The following GNPDA2 variants were observed in gnomAD, a reference collection of about 807,000 sequenced individuals.
The protein encoded by GNPDA2 is glcN6P deaminase 2.
GNPDA2 carries 24 observed loss-of-function variants against 27.0 expected under a neutral mutation model. That is an observed-to-expected ratio of 0.89 (90% CI 0.64 to 1.25). The LOEUF (loss-of-function observed/expected upper bound fraction) is 1.25. Among genes scored for constraint, GNPDA2 ranks in the 50% most tolerant of loss-of-function variants. The pLI is 0.00. For synonymous variants in GNPDA2, 94 were observed against 108.4 expected (o/e 0.87, Z 0.83); for missense variants, 286 against 335.1 (o/e 0.85, Z 1.14).
intron 4 of GNPDA2, among the ~76,000 whole-genome samples, chr4:44,712,602 T>C (rs1302230628): frequency 6.6e-6 from 1 of 152,174 alleles, no homozygotes; most frequent in East Asian, 1.9e-4. Context: ...CTCTTAGGTA[T>C]ACATATCCCT....
intron 4 of GNPDA2, among the ~76,000 whole-genome samples, chr4:44,711,734 C>G (rs1173731842): frequency 6.7e-6 from 1 of 149,848 alleles, no homozygotes; most frequent in Non-Finnish European, 1.5e-5. Context: ...AAGATAATGT[C>G]TAGGGCAACA....
At chr4:44,725,040 A>G (rs1040742155) in intron 1 of GNPDA2, among the ~76,000 whole-genome samples, 6 of 152,228 alleles carry the variant, frequency 3.9e-5, no homozygotes, top group African/African-American at 1.4e-4. Context: ...ACGGAAAAAA[A>G]ATAAGGTAAG....
intron 5 of GNPDA2, among the ~76,000 whole-genome samples, chr4:44,709,294 G>A (rs1716818216): frequency 6.6e-6 from 1 of 152,058 alleles, no homozygotes; most frequent in Admixed American, 6.6e-5. Flanking sequence ...CATTATTGGT[G>A]TTTATCTATG....
At chr4:44,703,760 A>G (rs951656409) in intron 6 of GNPDA2, 3 of 984,720 alleles carry the variant, frequency 3.0e-6, no homozygotes, top group Non-Finnish European at 3.6e-6. Flanking sequence ...TGTAATTGGT[A>G]CATATACTTG....
At chr4:44,704,537 T>G (rs188001948) in intron 6 of GNPDA2, 4 of 716,916 alleles carry the variant, frequency 5.6e-6, no homozygotes, top group Admixed American at 1.3e-4. Flanking sequence ...ATAGGACTGC[T>G]TCCAAACTAG....
chr4:44,706,209 A>G (rs564273420), intron 6 of GNPDA2: 3 of 152,010 alleles, frequency 2.0e-5, no homozygotes, highest in African/African-American at 7.2e-5. Flanking sequence ...TTATTCACAA[A>G]TCAGAAATTT....
At chr4:44,710,276 T>A (rs1046806550) in intron 5 of GNPDA2, among the ~76,000 whole-genome samples, 1 of 152,130 alleles carries the variant, frequency 6.6e-6, no homozygotes, top group Admixed American at 6.6e-5. Flanking sequence ...TTGTCTATAG[T>A]TTTTTCCTCT....
At chr4:44,709,513 T>G (rs185685013) in intron 5 of GNPDA2, among the ~76,000 whole-genome samples, 1 of 152,290 alleles carries the variant, frequency 6.6e-6, no homozygotes, top group East Asian at 1.9e-4. Flanking sequence ...GTGATTCTTA[T>G]GTACACTAAT....
At chr4:44,707,658 G>T in intron 6 of GNPDA2, 94 bp downstream of exon 6, 2 of 1,077,816 alleles carry the variant, frequency 1.9e-6, no homozygotes, top group Non-Finnish European at 2.7e-6. Flanking sequence ...TTTTCAATAG[G>T]TCACAGTGTG....
intron 3 of GNPDA2, among the ~76,000 whole-genome samples, chr4:44,717,722 C>T (rs1717395562): frequency 6.6e-6 from 1 of 151,808 alleles, no homozygotes; most frequent in African/African-American, 2.4e-5. Flanking sequence ...AGCCATGTTC[C>T]TCCTCTATTC....
intron 2 of GNPDA2, among the ~76,000 whole-genome samples, chr4:44,719,888 A>C (rs1717562041): frequency 6.6e-6 from 1 of 152,254 alleles, no homozygotes; most frequent in African/African-American, 2.4e-5. Context: ...TGATTTATAT[A>C]AAACAAAGAT....
At chr4:44,724,817 CAATT>C (rs1312521969) in intron 1 of GNPDA2, among the ~76,000 whole-genome samples, 1 of 152,138 alleles carries the variant, frequency 6.6e-6, no homozygotes, top group Non-Finnish European at 1.5e-5. Context: ...GGCCCGATAA[CAATT>C]ATTTATTTAC....
intron 2 of GNPDA2, among the ~76,000 whole-genome samples, chr4:44,718,751 T>G (rs1717484030): frequency 6.6e-6 from 1 of 151,862 alleles, no homozygotes; most frequent in African/African-American, 2.4e-5. Context: ...AAAAAAAATC[T>G]TGAGTTCTTG....
In GNPDA2 at chr4:44,719,772, G is replaced by C. The variant is rs185536834; in HGVS notation, c.125-1362C>G. 2.5e-4 allele frequency among the ~76,000 whole-genome samples: 38 copies of C among 149,954 alleles called. No individual in the cohort carries two copies. The East Asian group carries it at 7.2e-3, about 29-fold the overall frequency. Reference sequence around the variant, plus strand: ...CATTTTCTATTTTGTAATCAATGTGGCCAAAAAAAAAGACTGAAGAAAAAA... The same window carrying C: ...CATTTTCTATTTTGTAATCAATGTGCCCAAAAAAAAAGACTGAAGAAAAAA... On this transcript the variant is annotated intron_variant, in intron 2 of 6. Transcript: ENST00000295448.
intron 6 of GNPDA2, chr4:44,706,970 G>A (rs1716645444): frequency 6.6e-6 from 1 of 152,012 alleles, no homozygotes; most frequent in African/African-American, 2.4e-5. Context: ...TATCAGCTAT[G>A]TAAATACAGG....
intron 1 of GNPDA2, among the ~76,000 whole-genome samples, chr4:44,724,165 C>T (rs1717863838): frequency 6.6e-6 from 1 of 152,138 alleles, no homozygotes; most frequent in Non-Finnish European, 1.5e-5. Flanking sequence ...TACCTGCCCC[C>T]AGACGCAGGT....
rs566987308 is a variant in GNPDA2 at position 44,714,583 on chromosome 4, A to G, written c.409+2530T>C. 2.8e-5 allele frequency: 28 copies of G among 984,008 alleles called. No homozygotes were observed. The South Asian group carries it at 1.1e-3, about 38-fold the overall frequency. 61.0% of individuals were successfully genotyped at this position (984,008 alleles called of 1,614,324 possible). A position where few individuals can be genotyped will look rare whatever the true frequency, so the allele number is the denominator to read the frequency against. ...GCTTCAAGCCCAAACTGCAATCTCT[A>G]TTTCAACTTTACCTTTAATAAAGCT... On this transcript the variant is annotated intron_variant, in intron 4 of 6. Coordinates refer to ENST00000295448, the MANE Select transcript of GNPDA2 (RefSeq NM_138335.3).
rs562711103 is a variant in GNPDA2 at position 44,702,889 on chromosome 4, C to G, written c.*192G>C. On this transcript the variant is annotated 3_prime_UTR_variant, in exon 7 of 7. Coordinates refer to ENST00000295448, the MANE Select transcript of GNPDA2 (RefSeq NM_138335.3). ...TAAATAGCCAGTCAATCTTGAGAGC[C>G]AGCTACTTCTCTTAAACCCAAGTAC... 7.1e-7 allele frequency: 1 copy of G among 1,405,266 alleles called. No homozygotes were observed. Among genetic ancestry groups the G allele is most frequent in the African/African-American group, 1.5e-5 (1 of 67,590 alleles). The allele number at this position is 1,405,266 out of a possible 1,614,324, so 87.0% of individuals were successfully genotyped here. A position where few individuals can be genotyped will look rare whatever the true frequency, so the allele number is the denominator to read the frequency against.
chr4:44,725,366 C>T (rs982571697), intron 1 of GNPDA2, among the ~76,000 whole-genome samples: 11 of 152,262 alleles, frequency 7.2e-5, no homozygotes, highest in Admixed American at 2.0e-4. Flanking sequence ...GATGTCTTAC[C>T]GGTTGAGAAT....
Sources: gnomAD v4.1 joint callset for allele counts (sites outside exome capture counted in the v4.1 genomes callset) on GRCh38, gnomAD v4.1.1 for gene constraint, MANE v1.5 for transcripts, NCBI Gene and HGNC (gene_info 2026-07-23, HGNC 2026-07-21) for gene names.